Variants in CHSY3 observed in about 807,000 individuals in gnomAD.
CHSY3 encodes N-acetylgalactosaminyl-proteoglycan 3-beta-glucuronosyltransferase 3.
Under a neutral mutation model 67.2 loss-of-function variants are expected in CHSY3, and 35 were observed. The observed-to-expected ratio is 0.52, with a 90% CI of 0.40 to 0.69. The LOEUF (loss-of-function observed/expected upper bound fraction) is 0.69. Among genes scored for constraint, CHSY3 ranks in the 30% least tolerant of loss-of-function variants. CHSY3 has a pLI of 0.00. For synonymous variants in CHSY3, 474 were observed against 434.7 expected, an observed-to-expected ratio of 1.09 and a Z score of -1.12; for missense variants, 1,069 against 1,138.5, an observed-to-expected ratio of 0.94 and a Z score of 0.88.
intron 2 of CHSY3, among the ~76,000 whole-genome samples, chr5:130,041,536 A>C (rs1162602929): frequency 2.0e-5 from 3 of 152,154 alleles, no homozygotes; most frequent in Admixed American, 6.6e-5. Context: ...ACTTAGCACT[A>C]GTCAACATAT....
intron 2 of CHSY3, among the ~76,000 whole-genome samples, chr5:130,131,414 G>A (rs1015405870): frequency 6.6e-6 from 1 of 152,112 alleles, no homozygotes; most frequent in Admixed American, 6.6e-5. Context: ...TTGTAAATCA[G>A]ATCATACCAC....
At chr5:130,036,200 G>C (rs781090528) in intron 2 of CHSY3, among the ~76,000 whole-genome samples, 116 of 152,000 alleles carry the variant, frequency 7.6e-4, no homozygotes, top group Non-Finnish European at 1.5e-3. Context: ...GTTAAGTAAT[G>C]CCCATTCTTG....
intron 2 of CHSY3, among the ~76,000 whole-genome samples, chr5:130,054,900 C>T (rs1289037116): frequency 6.6e-6 from 1 of 152,114 alleles, no homozygotes; most frequent in Non-Finnish European, 1.5e-5. Flanking sequence ...CTGATCCTAC[C>T]TAATGTAGTC....
At chr5:130,091,941 A>G (rs1389324809) in intron 2 of CHSY3, among the ~76,000 whole-genome samples, 2 of 152,158 alleles carry the variant, frequency 1.3e-5, no homozygotes, top group Non-Finnish European at 2.9e-5. Context: ...CCCAAGTGAG[A>G]TCACCTACAG....
chr5:130,001,878 C>G, intron 2 of CHSY3: 1 of 928,934 alleles, frequency 1.1e-6, no homozygotes, highest in African/African-American at 1.8e-5. Flanking sequence ...TGTGTGTAAC[C>G]AAAAGGTAAT....
chr5:129,969,234 G>A (rs1407509716), intron 2 of CHSY3, among the ~76,000 whole-genome samples: 1 of 151,690 alleles, frequency 6.6e-6, no homozygotes, highest in African/African-American at 2.4e-5. Flanking sequence ...AAGTTAAGAG[G>A]TGACATAGCT....
chr5:129,935,130 A>G (rs1478708149), intron 2 of CHSY3, among the ~76,000 whole-genome samples: 1 of 152,224 alleles, frequency 6.6e-6, no homozygotes, highest in Non-Finnish European at 1.5e-5. Flanking sequence ...GAAAATTTTA[A>G]GAATTCAAAT....
chr5:130,046,074 T>C (rs1435090996), intron 2 of CHSY3, among the ~76,000 whole-genome samples: 1 of 152,054 alleles, frequency 6.6e-6, no homozygotes, highest in East Asian at 1.9e-4. Context: ...TTATAACTCA[T>C]GTCATTATAC....
intron 2 of CHSY3, among the ~76,000 whole-genome samples, chr5:130,124,456 A>G (rs1425833044): frequency 6.8e-6 from 1 of 146,456 alleles, no homozygotes; most frequent in Non-Finnish European, 1.5e-5. Context: ...TACAGAGCGA[A>G]CTTTTTTTTT....
chr5:130,100,766 A>G (rs1767215464), intron 2 of CHSY3, among the ~76,000 whole-genome samples: 1 of 152,232 alleles, frequency 6.6e-6, no homozygotes, highest in Non-Finnish European at 1.5e-5. Flanking sequence ...ATGAGGCTTA[A>G]AGAAGGTACG....
chr5:130,085,523 GCTGT>G (rs1766588281), intron 2 of CHSY3, among the ~76,000 whole-genome samples: 1 of 151,928 alleles, frequency 6.6e-6, no homozygotes, highest in South Asian at 2.1e-4. Context: ...AGTCTTGCTA[GCTGT>G]CTGTCAATTT....
chr5:130,063,876 A>T (rs1765793705), intron 2 of CHSY3, among the ~76,000 whole-genome samples: 1 of 152,080 alleles, frequency 6.6e-6, no homozygotes. Context: ...CTCATGGCCT[A>T]ATCACCCCTA....
chr5:130,181,342 T>A (rs1339709796), intron 2 of CHSY3, among the ~76,000 whole-genome samples: 3 of 152,226 alleles, frequency 2.0e-5, no homozygotes, highest in Admixed American at 2.0e-4. Context: ...TCAAAATGTA[T>A]CATGATCTAT....
At chr5:130,131,920 T>A (rs761641912) in intron 2 of CHSY3, among the ~76,000 whole-genome samples, 1 of 152,114 alleles carries the variant, frequency 6.6e-6, no homozygotes, top group African/African-American at 2.4e-5. Flanking sequence ...CTAAATTGTA[T>A]CATAGAGAGT....
intron 2 of CHSY3, among the ~76,000 whole-genome samples, chr5:129,978,936 C>T (rs981916111): frequency 2.0e-5 from 3 of 151,866 alleles, no homozygotes; most frequent in Admixed American, 6.6e-5. Flanking sequence ...TGGTGGCTCA[C>T]GCCTGTAATC....
intron 2 of CHSY3, chr5:130,140,755 ACACAAG>A: frequency 4.1e-6 from 1 of 245,080 alleles, no homozygotes; most frequent in Admixed American, 5.7e-5. Flanking sequence ...CTGAGTTCAC[ACACAAG>A]CACAAGCACA....
chr5:129,955,650 C>A (rs1762149810), intron 2 of CHSY3, among the ~76,000 whole-genome samples: 1 of 151,934 alleles, frequency 6.6e-6, no homozygotes, highest in South Asian at 2.1e-4. Context: ...TATTTCATCA[C>A]CCAGGTATTA....
chr5:129,905,172 G>C lies in CHSY3; in HGVS notation c.343G>C (p.Gly115Arg), dbSNP rs551717412. The C allele has an allele frequency of 2.6e-6, 4 of 1,525,226 alleles. No homozygotes were observed. The highest frequency in any genetic ancestry group is 3.5e-6 in the Non-Finnish European group (4 of 1,142,748). The allele number at this position is 1,525,226 out of a possible 1,614,324, so 94.5% of individuals were successfully genotyped here. Residue 115 changes from glycine (G) to arginine (R), a missense_variant, in exon 1 of 3, where the codon GGA (glycine) becomes CGA (arginine). By Grantham distance (125) the Gly-to-Arg change is moderately radical. Around this residue, in one of 5 missense-constraint regions of CHSY3, gnomAD observed 309 missense variants for 262.5 expected, o/e 1.18. Coordinates refer to ENST00000305031, the MANE Select transcript of CHSY3 (RefSeq NM_175856.5). ...QPPPLQQRRR[G>R]REPEGATGLP... ...ACCTCCGCTGCAGCAGCGGCGGCGA[G>C]GACGCGAGCCTGAGGGCGCGACGGG...
rs1351047425 is a variant in CHSY3 at position 130,065,175 on chromosome 5, G to A, written c.1087-119054G>A. ...TTTTTATGGTGGTTGTTTCAATTTT[G>A]CCTGTAAAATATGAACTTAGTGTTC... On this transcript the variant is annotated intron_variant, in intron 2 of 2. Coordinates refer to ENST00000305031, the MANE Select transcript of CHSY3 (RefSeq NM_175856.5). 2.0e-5 allele frequency among the ~76,000 whole-genome samples: 3 copies of A among 152,018 alleles called. No individual in the cohort carries two copies. In the East Asian group the frequency reaches 5.8e-4, roughly 29 times the overall value.
Sources: allele counts gnomAD v4.1 joint callset (sites outside exome capture counted in the v4.1 genomes callset), GRCh38; gene constraint gnomAD v4.1.1; regional missense constraint gnomAD v4.1.1; transcripts MANE v1.5; gene names NCBI Gene and HGNC (gene_info 2026-07-23, HGNC 2026-07-21).